Variants in CERS6 observed in about 807,000 individuals in gnomAD.
CERS6 encodes ceramide synthase 6, also known as LAG1 homolog, ceramide synthase 6.
CERS6 carries 26 observed loss-of-function variants against 56.8 expected under a neutral mutation model. That is an observed-to-expected ratio of 0.46 (90% confidence interval 0.34 to 0.63). CERS6 has a LOEUF of 0.63. Ranked by LOEUF, CERS6 falls within the 30% of genes least tolerant of loss-of-function variation. The pLI is 0.01. For synonymous variants in CERS6, 164 were observed against 173.3 expected (o/e 0.95, Z 0.42); for missense variants, 415 against 467.5 (o/e 0.89, Z 1.04).
At chr2:168,459,633 T>G (rs528536730) in intron 1 of CERS6, among the ~76,000 whole-genome samples, 10 of 110,750 alleles carry the variant, frequency 9.0e-5, no homozygotes, top group African/African-American at 2.8e-4. Context: ...AGTATGTGGG[T>G]TTTTTTTTTT....
At chr2:168,749,144 C>T (rs968784812) in intron 8 of CERS6, among the ~76,000 whole-genome samples, 37 of 152,258 alleles carry the variant, frequency 2.4e-4, no homozygotes, top group African/African-American at 8.7e-4. Flanking sequence ...ATTTCACAGT[C>T]CCTAGGCAGC....
At chr2:168,645,560 G>A (rs1219218035) in intron 4 of CERS6, among the ~76,000 whole-genome samples, 1 of 151,814 alleles carries the variant, frequency 6.6e-6, no homozygotes, top group East Asian at 1.9e-4. Flanking sequence ...TTTTAGGTTT[G>A]GGGCTACATG....
chr2:168,739,106 A>G (rs1274922712), intron 8 of CERS6, among the ~76,000 whole-genome samples: 1 of 113,238 alleles, frequency 8.8e-6, no homozygotes, highest in East Asian at 2.6e-4. Context: ...ACGGGGTTTC[A>G]CCATGTTTCC....
chr2:168,737,970 A>G (rs1376713332), intron 8 of CERS6, among the ~76,000 whole-genome samples: 2 of 152,228 alleles, frequency 1.3e-5, no homozygotes, highest in African/African-American at 4.8e-5. Context: ...AGATATCTGT[A>G]CATATATATA....
At chr2:168,576,113 A>G (rs1387151249) in intron 3 of CERS6, among the ~76,000 whole-genome samples, 1 of 152,094 alleles carries the variant, frequency 6.6e-6, no homozygotes, top group Non-Finnish European at 1.5e-5. Flanking sequence ...AGACAGGGAC[A>G]TCAGAGGAGA....
chr2:168,765,066 G>A (rs542407123), intron 8 of CERS6, among the ~76,000 whole-genome samples: 1 of 152,306 alleles, frequency 6.6e-6, no homozygotes, highest in East Asian at 1.9e-4. Context: ...CCACAACATG[G>A]ATGAACCTTG....
At chr2:168,643,506 G>C (rs930306523) in intron 4 of CERS6, among the ~76,000 whole-genome samples, 1 of 152,144 alleles carries the variant, frequency 6.6e-6, no homozygotes, top group Non-Finnish European at 1.5e-5. Context: ...AGACTAGCAA[G>C]ATTCTGATTA....
intron 7 of CERS6, among the ~76,000 whole-genome samples, chr2:168,717,570 T>G (rs769170448): frequency 5.3e-5 from 8 of 152,096 alleles, no homozygotes; most frequent in Non-Finnish European, 1.0e-4. Context: ...CTCTTATTTT[T>G]CTCTCTGTTT....
chr2:168,734,759 G>C (rs1683662307), intron 8 of CERS6, among the ~76,000 whole-genome samples: 1 of 152,176 alleles, frequency 6.6e-6, no homozygotes, highest in Non-Finnish European at 1.5e-5. Context: ...AAGCAACTAG[G>C]TTTATATTTA....
At chr2:168,767,892 A>G (rs950599758) in intron 9 of CERS6, among the ~76,000 whole-genome samples, 2 of 152,194 alleles carry the variant, frequency 1.3e-5, no homozygotes, top group African/African-American at 4.8e-5. Context: ...GAAAATTCCT[A>G]TGAAGGGAGG....
At chr2:168,663,768 C>A (rs1457400619) in intron 4 of CERS6, among the ~76,000 whole-genome samples, 1 of 121,996 alleles carries the variant, frequency 8.2e-6, no homozygotes, top group African/African-American at 2.6e-5. Context: ...GTAATATATA[C>A]TTTAAAAAAA....
rs547250815 is a variant in CERS6, at chr2:168,475,621, AT to A, written c.170+19008del. On this transcript the variant is annotated intron_variant, in intron 1 of 9. Transcript: ENST00000305747. The stretch of plus-strand genomic sequence containing the variant: ...TGAAAAAGGAGTGATTATATATAAT[AT>A]TTTTATTGGTATTTTATGGAAATTG... Among the ~76,000 whole-genome samples the A allele has an allele frequency of 6.6e-5, 10 of 152,280 alleles. 1 individual carries two copies. The East Asian group carries it at 1.9e-3, about 29-fold the overall frequency.
chr2:168,547,818 G>C, intron 2 of CERS6, 117 bp downstream of exon 2: 1 of 696,566 alleles, frequency 1.4e-6, no homozygotes, highest in South Asian at 1.7e-5. Flanking sequence ...CCTTATGCTG[G>C]AGAACGTGTT....
intron 1 of CERS6, among the ~76,000 whole-genome samples, chr2:168,525,788 C>A (rs1214849795): frequency 6.6e-6 from 1 of 152,180 alleles, no homozygotes; most frequent in Non-Finnish European, 1.5e-5. Flanking sequence ...ATTTTATGAC[C>A]CTTCTCTGCA....
At chr2:168,566,697 G>A (rs1195661843) in intron 3 of CERS6, among the ~76,000 whole-genome samples, 1 of 151,774 alleles carries the variant, frequency 6.6e-6, no homozygotes, top group East Asian at 1.9e-4. Flanking sequence ...TAGGAAACAA[G>A]CAGTTGAGTC....
rs1427841823 is a variant in CERS6, at chr2:168,748,207, C to A, written c.846-17385C>A. Among the ~76,000 whole-genome samples, 4 of 152,144 alleles carry A rather than the reference C, an allele frequency of 2.6e-5. No homozygotes were observed. The East Asian group carries it at 7.7e-4, about 29-fold the overall frequency. On this transcript the variant is annotated intron_variant, in intron 8 of 9. Transcript: ENST00000305747. ...TCTCCAATTTAAGGTATGGCCTTGG[C>A]TATTGCTCTTTCTGCAGTGAGAGTA...
chr2:168,667,718 C>T (rs1029601993), intron 4 of CERS6, among the ~76,000 whole-genome samples: 2 of 152,068 alleles, frequency 1.3e-5, no homozygotes, highest in African/African-American at 4.8e-5. Flanking sequence ...ATACAGGTAT[C>T]GGGTGTGAGC....
At chr2:168,706,673 A>C (rs1286835820) in intron 6 of CERS6, among the ~76,000 whole-genome samples, 2 of 152,224 alleles carry the variant, frequency 1.3e-5, no homozygotes, top group African/African-American at 2.4e-5. Context: ...AATGGATTAC[A>C]TCCGGACAGC....
intron 8 of CERS6, among the ~76,000 whole-genome samples, chr2:168,751,977 C>T (rs1257051099): frequency 6.6e-6 from 1 of 152,094 alleles, no homozygotes; most frequent in African/African-American, 2.4e-5. Context: ...GTCTGAGTCT[C>T]CTACAGTTAT....
Sources: gnomAD v4.1 joint callset for allele counts (sites outside exome capture counted in the v4.1 genomes callset) on GRCh38, gnomAD v4.1.1 for gene constraint, MANE v1.5 for transcripts, NCBI Gene and HGNC (gene_info 2026-07-23, HGNC 2026-07-21) for gene names.